The following UNC5CL variants were observed in gnomAD, a reference collection of about 807,000 sequenced individuals.
The protein encoded by UNC5CL is UNC5C-like protein.
In UNC5CL, 42 loss-of-function variants were observed where a neutral mutation model predicts 54.1. That is an observed-to-expected ratio of 0.78 (90% CI 0.61 to 1.00). The LOEUF (loss-of-function observed/expected upper bound fraction) is 1.00. Among genes scored for constraint, UNC5CL ranks in the 50% least tolerant of loss-of-function variants. The pLI is 0.00. For missense variants in UNC5CL, 619 were observed against 675.6 expected (o/e 0.92, Z 0.93); for synonymous variants, 285 against 285.1 (o/e 1.00, Z 0.00).
intron 5 of UNC5CL, 127 bp from the exon 6 acceptor site, chr6:41,031,875 T>C: frequency 8.0e-7 from 1 of 1,257,258 alleles, no homozygotes; most frequent in Non-Finnish European, 1.2e-6. Flanking sequence ...ACACTCCATT[T>C]TTCTCTCTGC....
chr6:41,031,557 A>T, intron 6 of UNC5CL, 124 bp downstream of exon 6: 1 of 949,850 alleles, frequency 1.1e-6, no homozygotes, highest in Non-Finnish European at 1.7e-6. Flanking sequence ...TGGGGGCTCT[A>T]TGGAAAGTGC....
In UNC5CL at chr6:41,032,023, G is replaced by A. The variant is rs114570100; in HGVS notation, c.1051+13C>T. On this transcript the variant is annotated intron_variant, in intron 5 of 8. Coordinates refer to ENST00000244565, the MANE Select transcript of UNC5CL (RefSeq NM_173561.3). ...AGAGAGGGGAGGAGGTACACACAGG[G>A]CTCCCGGACTACCTGCTTTTCTCCG... is the stretch of plus-strand genomic sequence containing the variant. 13,394 of 1,613,162 alleles carry A rather than the reference G, an allele frequency of 8.3e-3. 79 individuals carry two copies. The highest frequency in any genetic ancestry group is 0.01 in the Non-Finnish European group (12,043 of 1,179,204).
At chr6:41,031,169 T>C (rs1457910370) in intron 6 of UNC5CL, among the ~76,000 whole-genome samples, 1 of 152,110 alleles carries the variant, frequency 6.6e-6, no homozygotes, top group Non-Finnish European at 1.5e-5. Flanking sequence ...TCCACTAAGG[T>C]GCCACTATGG....
At chr6:41,037,277 A>G (rs898269374) in intron 1 of UNC5CL, among the ~76,000 whole-genome samples, 3 of 152,208 alleles carry the variant, frequency 2.0e-5, no homozygotes, top group African/African-American at 4.8e-5. Context: ...GGGAAGTTCA[A>G]TCCTGCCAAA....
chr6:41,038,131 C>T (rs1326100377), intron 1 of UNC5CL, among the ~76,000 whole-genome samples: 3 of 152,150 alleles, frequency 2.0e-5, no homozygotes, highest in Admixed American at 2.0e-4. Flanking sequence ...CCTTCTTTTC[C>T]CCAAGTATCT....
In UNC5CL at chr6:41,033,127, C is replaced by T; in HGVS notation, c.706G>A (p.Glu236Lys). The T allele has an allele frequency of 6.2e-7, 1 of 1,613,184 alleles. No homozygotes were observed. The change falls in exon 4 of 9, where the codon GAG (glutamate) becomes AAG (lysine). Residue 236 changes from glutamate (E) to lysine (K), a missense_variant. By Grantham distance (56) the Glu-to-Lys change is moderately conservative (BLOSUM62 1). Coordinates refer to ENST00000244565, the MANE Select transcript of UNC5CL (RefSeq NM_173561.3). ...SHFSLYTCVL[E>K]APVGREARKW... ...CGGGCTTCGCGCCCCACAGGTGCCT[C>T]CAGCACACAGGTGTAGAGGCTGCAG...
chr6:41,035,213 G>C (rs1437804344), intron 1 of UNC5CL, 78 bp from the exon 2 acceptor site: 7 of 1,104,656 alleles, frequency 6.3e-6, no homozygotes, highest in African/African-American at 1.6e-5. Context: ...ACACATAGCT[G>C]CAAGTTGTCT....
chr6:41,033,140 G>T lies in UNC5CL; in HGVS notation c.693C>A (p.Tyr231Ter), dbSNP rs369820332. Residue 231 changes from tyrosine (Y) to a stop codon, truncating the protein, a stop_gained, in exon 4 of 9, where the codon TAC becomes TAA. Transcript: ENST00000244565. LOFTEE classifies it high-confidence loss of function. ...CCACAGGTGCCTCCAGCACACAGGT[G>T]TAGAGGCTGCAGAGGGAGCCAGTGG... Reference protein sequence around the residue: ...CRIHLSHFSLYTCVLEAPVGR... With the variant: ...CRIHLSHFSL 8 of 1,612,822 alleles carry T rather than the reference G, an allele frequency of 5.0e-6. No homozygotes were observed. Among genetic ancestry groups the T allele is most frequent in the Non-Finnish European group, 6.8e-6 (8 of 1,179,608 alleles).
At position 41,028,200 on chromosome 6, in the gene UNC5CL, G is replaced by T; in HGVS notation, c.*173C>A. On this transcript the variant is annotated 3_prime_UTR_variant, in exon 9 of 9. Coordinates refer to ENST00000244565, the MANE Select transcript of UNC5CL (RefSeq NM_173561.3). This position sits in a 1 kb window ranked among gnomAD's most constrained non-coding sequence, Gnocchi z 4.3. The stretch of plus-strand genomic sequence containing the variant: ...CCGCACGCGGGACAGCTCGCGGCCG[G>T]AAGGGCGCGCCTGCTGCTGGGAGGC... 1.4e-6 allele frequency: 1 copy of T among 700,232 alleles called. No homozygotes were observed. The highest frequency in any genetic ancestry group is 2.3e-6 in the Non-Finnish European group (1 of 439,422). 43.4% of individuals were successfully genotyped at this position (700,232 alleles called of 1,614,324 possible).
intron 3 of UNC5CL, among the ~76,000 whole-genome samples, 177 bp from the exon 4 acceptor site, chr6:41,033,323 TCA>T (rs543671980): frequency 7.9e-5 from 12 of 152,064 alleles, no homozygotes; most frequent in African/African-American, 2.9e-4. Flanking sequence ...AGTGAGCATG[TCA>T]CAGTGACTGG....
intron 5 of UNC5CL, 87 bp downstream of exon 5, chr6:41,031,949 C>T: frequency 7.0e-7 from 1 of 1,419,412 alleles, no homozygotes. Flanking sequence ...TGGGGGTCTG[C>T]AGAGCTCCAG....
intron 5 of UNC5CL, 91 bp from the exon 6 acceptor site, chr6:41,031,839 G>A: frequency 7.0e-7 from 1 of 1,433,470 alleles, no homozygotes; most frequent in South Asian, 1.2e-5. Flanking sequence ...AGTAAGACTT[G>A]GGAAATCTGA....
At position 41,030,700 on chromosome 6, in the gene UNC5CL, G is replaced by A; in HGVS notation, c.1175C>T (p.Ser392Phe). The A allele has an allele frequency of 6.2e-7, 1 of 1,614,066 alleles. No individual in the cohort carries two copies. The highest frequency in any genetic ancestry group is 1.3e-5 in the African/African-American group (1 of 75,012). ...ILRFQASEEE[S>F]WAAPPPVSQP... is the part of the protein sequence containing the mutation. ...GGAAACAGGTGGTGGCGCTGCCCAG[G>A]ATTCCTCCTCTGATGCCTGGAATCT... The change falls in exon 7 of 9, where the codon TCC becomes TTC. Residue 392 changes from serine (S) to phenylalanine (F), a missense_variant. Ser to Phe is a radical substitution (Grantham distance 155). Coordinates refer to ENST00000244565, the MANE Select transcript of UNC5CL (RefSeq NM_173561.3).
chr6:41,031,898 G>T lies in UNC5CL; in HGVS notation c.1051+138C>A, dbSNP rs974158009. 8.2e-6 allele frequency: 10 copies of T among 1,219,734 alleles called. No individual in the cohort carries two copies. The Admixed American group carries it at 1.7e-4, about 20-fold the overall frequency. The allele number at this position is 1,219,734 out of a possible 1,614,324, so 75.6% of individuals were successfully genotyped here. On this transcript the variant is annotated intron_variant, in intron 5 of 8. Transcript: ENST00000244565. ...TTTTTCTCTCTGCAAAGATCTGTGT[G>T]GCTCCTGGCCTTTCAGGGAAGGTCT...
At chr6:41,033,180 C>T in intron 3 of UNC5CL, 34 bp from the exon 4 acceptor site, 1 of 1,599,390 alleles carries the variant, frequency 6.3e-7, no homozygotes, top group Non-Finnish European at 8.5e-7. Context: ...CACTAATGTG[C>T]AGGGAAGGCT....
At position 41,032,983 on chromosome 6, in the gene UNC5CL, C is replaced by G; in HGVS notation, c.850G>C (p.Glu284Gln). The change falls in exon 4 of 9, where the codon GAG becomes CAG. Residue 284 changes from glutamate to glutamine, a missense_variant. Physicochemically the swap from Glu to Gln is conservative, Grantham distance 29. Transcript: ENST00000244565. ...CGCAGGCGCCCACCATGGGGCTGCT[C>G]GTTGGTCAGTGCCCACTGCAGGGCG... ...PCALQWALTNEQPHGGRLRGP... is the reference protein window; with the variant it reads ...PCALQWALTNQQPHGGRLRGP... The G allele has an allele frequency of 6.2e-7, 1 of 1,603,946 alleles. No homozygotes were observed. Among genetic ancestry groups the G allele is most frequent in the Non-Finnish European group, 8.5e-7 (1 of 1,175,314 alleles).
rs1336837178 is a variant in UNC5CL, at chr6:41,027,571, A to C, written c.*802T>G. On this transcript the variant is annotated 3_prime_UTR_variant, in exon 9 of 9. Transcript: ENST00000244565. Reference sequence around the variant, plus strand: ...ATAGAGAAAATGGCAGAGAGAGAGGAAGACACGGCCTAAGCAGGAGGATAA... The same window carrying C: ...ATAGAGAAAATGGCAGAGAGAGAGGCAGACACGGCCTAAGCAGGAGGATAA... 2 of 152,226 alleles carry C rather than the reference A, an allele frequency of 1.3e-5. No individual in the cohort carries two copies. The highest frequency in any genetic ancestry group is 4.8e-5 in the African/African-American group (2 of 41,436). 9.4% of individuals were successfully genotyped at this position (152,226 alleles called of 1,614,324 possible).
intron 8 of UNC5CL, among the ~76,000 whole-genome samples, chr6:41,030,005 C>T (rs992424514): frequency 6.6e-6 from 1 of 152,208 alleles, no homozygotes; most frequent in African/African-American, 2.4e-5. Flanking sequence ...CATGACTGCA[C>T]TGTCACCATT....
At chr6:41,030,778 A>T (rs764492829) in intron 6 of UNC5CL, 23 bp from the exon 7 acceptor site, 1 of 1,608,894 alleles carries the variant, frequency 6.2e-7, no homozygotes, top group Admixed American at 1.7e-5. Flanking sequence ...AGGGCAGGGA[A>T]CACACTTAGG....
Sources: gnomAD v4.1 joint callset for allele counts (sites outside exome capture counted in the v4.1 genomes callset) on GRCh38, gnomAD v4.1.1 for gene constraint, Gnocchi (gnomAD v3.1) non-coding constraint, MANE v1.5 for transcripts, NCBI Gene and HGNC (gene_info 2026-07-23, HGNC 2026-07-21) for gene names.